Variants in MCM2 observed in about 807,000 individuals in gnomAD.
MCM2 encodes the protein DNA replication licensing factor MCM2.
MCM2 carries 49 observed loss-of-function variants against 86.4 expected under a neutral mutation model. That is an observed-to-expected ratio of 0.57 (90% CI 0.45 to 0.72). MCM2 has a LOEUF of 0.72. MCM2 is among the 30% of genes least tolerant of loss of function. The pLI is 0.00. For missense variants in MCM2, 1,038 were observed against 1,259.9 expected, an observed-to-expected ratio of 0.82 and a Z score of 2.67; for synonymous variants, 475 against 484.6, an observed-to-expected ratio of 0.98 and a Z score of 0.26.
chr3:127,620,581 C>T, intron 13 of MCM2, 117 bp from the exon 14 acceptor site: 2 of 1,051,108 alleles, frequency 1.9e-6, no homozygotes, highest in Non-Finnish European at 2.8e-6. Context: ...TTCTGCATTT[C>T]TGCTGGGGCA....
chr3:127,617,751 C>G lies in MCM2; in HGVS notation c.1901-218C>G. ...GTCACCCACTGTGTTCTTGGTTTTT[C>G]CTCCTGGGGAAGCAGTTATGCTTTC... is the stretch of plus-strand genomic sequence containing the variant. On this transcript the variant is annotated intron_variant, in intron 11 of 15. Coordinates refer to ENST00000265056, the MANE Select transcript of MCM2 (RefSeq NM_004526.4). This position sits in a 1 kb window ranked among gnomAD's most constrained non-coding sequence, Gnocchi z 4.1. 1.7e-6 allele frequency: 1 copy of G among 591,138 alleles called. No homozygotes were observed. Among genetic ancestry groups the G allele is most frequent in the East Asian group, 2.8e-5 (1 of 35,258 alleles). The allele number at this position is 591,138 out of a possible 1,614,324, so 36.6% of individuals were successfully genotyped here.
chr3:127,621,963 TTGGG>T lies in MCM2; in HGVS notation c.*195_*198del. The T allele has an allele frequency of 1.8e-6, 1 of 550,588 alleles. No individual in the cohort carries two copies. Among genetic ancestry groups the T allele is most frequent in the East Asian group, 3.1e-5 (1 of 32,356 alleles). 34.1% of individuals were successfully genotyped at this position (550,588 alleles called of 1,614,324 possible). The stretch of plus-strand genomic sequence containing the variant: ...CAAGCCTGCTTTGTGCTTCTCACCT[TTGGG>T]TGGGATGCCTTGCCAGTGTGTCTTA... On this transcript the variant is annotated 3_prime_UTR_variant, in exon 16 of 16. Transcript: ENST00000265056.
chr3:127,616,099 T>C (rs1335114852), intron 9 of MCM2, 144 bp downstream of exon 9: 4 of 683,220 alleles, frequency 5.9e-6, no homozygotes, highest in Non-Finnish European at 7.5e-6. Context: ...GCGTGACTCA[T>C]TCTTCAAGGG....
In MCM2 at chr3:127,621,159, A is replaced by T. The variant is rs146246663; in HGVS notation, c.2535A>T (p.Thr845=). The T allele has an allele frequency of 1.2e-6, 2 of 1,614,214 alleles. No individual in the cohort carries two copies. Among genetic ancestry groups the T allele is most frequent in the South Asian group, 2.2e-5 (2 of 91,084 alleles). Residue 845 remains threonine, a synonymous_variant, in exon 15 of 16, where the codon ACA becomes ACT. Coordinates refer to ENST00000265056, the MANE Select transcript of MCM2 (RefSeq NM_004526.4). ...ILKQLVAEQV[T]YQRNRFGAQQ... is the part of the protein sequence containing the mutation. ...AGCAGTTAGTGGCAGAGCAGGTGACATATCAGCGCAACCGCTTTGGGGCCC... is the reference window on the plus strand; with the variant it reads ...AGCAGTTAGTGGCAGAGCAGGTGACTTATCAGCGCAACCGCTTTGGGGCCC...
At chr3:127,616,660 T>C (rs1196939708) in intron 9 of MCM2, among the ~76,000 whole-genome samples, 1 of 152,234 alleles carries the variant, frequency 6.6e-6, no homozygotes, top group Non-Finnish European at 1.5e-5. Context: ...CAAGGACATC[T>C]CGTGCAACCC....
intron 13 of MCM2, among the ~76,000 whole-genome samples, chr3:127,619,849 G>A (rs982289829): frequency 2.0e-5 from 3 of 151,998 alleles, no homozygotes; most frequent in Admixed American, 2.0e-4. Context: ...TGGGCCTGGT[G>A]GTTTGTGCCT....
chr3:127,608,607 C>T (rs1023122988), intron 7 of MCM2, 91 bp downstream of exon 7: 117 of 1,517,134 alleles, frequency 7.7e-5, no homozygotes, highest in Non-Finnish European at 9.8e-5. Flanking sequence ...TGTCTATGGT[C>T]GCAGGGGCAC....
chr3:127,615,184 G>A (rs1213578021), intron 8 of MCM2, among the ~76,000 whole-genome samples: 2 of 152,154 alleles, frequency 1.3e-5, no homozygotes, highest in East Asian at 3.9e-4. Context: ...GGCCAGTGCA[G>A]GGGGGTATGA....
chr3:127,621,691 C>G lies in MCM2; in HGVS notation c.2633C>G (p.Ser878Cys). ...KARQINIHNLSAFYDSELFRM... is the reference protein window; with the variant it reads ...KARQINIHNLCAFYDSELFRM... ...CGTCAGATCAACATCCACAACCTCTCTGCATTTTATGACAGTGAGCTCTTC... is the reference window on the plus strand; with the variant it reads ...CGTCAGATCAACATCCACAACCTCTGTGCATTTTATGACAGTGAGCTCTTC... Residue 878 changes from serine to cysteine, a missense_variant, in exon 16 of 16, where the codon TCT becomes TGT. Transcript: ENST00000265056. 1 of 1,614,046 alleles carries G rather than the reference C, an allele frequency of 6.2e-7. No homozygotes were observed. Among genetic ancestry groups the G allele is most frequent in the East Asian group, 2.2e-5 (1 of 44,884 alleles).
intron 7 of MCM2, 135 bp from the exon 8 acceptor site, chr3:127,608,697 G>A: frequency 8.3e-7 from 1 of 1,198,184 alleles, no homozygotes; most frequent in Admixed American, 1.9e-5. Flanking sequence ...GTGGGTTTAG[G>A]AGGGGTTTTA....
intron 15 of MCM2, 136 bp from the exon 16 acceptor site, chr3:127,621,527 T>G: frequency 1.6e-6 from 1 of 644,960 alleles, no homozygotes; most frequent in South Asian, 1.9e-5. Context: ...AGCCCCTTAA[T>G]CGGCCTCTCC....
intron 8 of MCM2, chr3:127,610,881 GGA>G: frequency 2.2e-6 from 1 of 456,708 alleles, no homozygotes; most frequent in South Asian, 1.5e-5. Context: ...GGTTCCCATA[GGA>G]GAGGTGGGTG....
At position 127,621,810 on chromosome 3, in the gene MCM2, G is replaced by C; in HGVS notation, c.*37G>C. 6.5e-7 allele frequency: 1 copy of C among 1,532,500 alleles called. No homozygotes were observed. The highest frequency in any genetic ancestry group is 9.0e-7 in the Non-Finnish European group (1 of 1,109,090). The allele number at this position is 1,532,500 out of a possible 1,614,324, so 94.9% of individuals were successfully genotyped here. A position where few individuals can be genotyped will look rare whatever the true frequency, so the allele number is the denominator to read the frequency against. ...ATCCATAAGGATTCCTTGGGATTCT[G>C]GTTTGGGGTGGTCAGTGCCCTCTGT... is the stretch of plus-strand genomic sequence containing the variant. On this transcript the variant is annotated 3_prime_UTR_variant, in exon 16 of 16. Coordinates refer to ENST00000265056, the MANE Select transcript of MCM2 (RefSeq NM_004526.4).
At chr3:127,619,004 C>T (rs2074454262) in intron 12 of MCM2, 23 bp from the exon 13 acceptor site, 1 of 1,558,574 alleles carries the variant, frequency 6.4e-7, no homozygotes, top group South Asian at 1.2e-5. Context: ...CAATCAGACC[C>T]ACCCTCTCAT....
chr3:127,603,652 AT>A (rs1022429917), intron 2 of MCM2, among the ~76,000 whole-genome samples: 15 of 142,484 alleles, frequency 1.1e-4, no homozygotes, highest in Admixed American at 4.2e-4. Flanking sequence ...GGCCTGGGTT[AT>A]TTTTTTTTTC....
chr3:127,608,477 C>T lies in MCM2; in HGVS notation c.1197C>T (p.Leu399=), dbSNP rs3087449. ...RLPRSKDAIL[L]ADLVDSCKPG... Reference sequence around the variant, plus strand: ...CCCGCTCCAAGGACGCCATTCTCCTCGCAGATCTGGTGGACAGCTGCAAGC... The same window carrying T: ...CCCGCTCCAAGGACGCCATTCTCCTTGCAGATCTGGTGGACAGCTGCAAGC... The change falls in exon 7 of 16, where the codon CTC becomes CTT. Residue 399 remains leucine, a synonymous_variant. Transcript: ENST00000265056. The T allele has an allele frequency of 2.1e-4, 345 of 1,614,204 alleles. 1 individual carries two copies. The African/African-American group carries it at 2.7e-3, about 13-fold the overall frequency.
At chr3:127,607,401 T>C (rs1157967176) in intron 6 of MCM2, among the ~76,000 whole-genome samples, 3 of 152,254 alleles carry the variant, frequency 2.0e-5, no homozygotes, top group Non-Finnish European at 4.4e-5. Flanking sequence ...CTTGACTGCC[T>C]TGCTGCTGTG....
chr3:127,614,247 A>G (rs1193511717), intron 8 of MCM2, among the ~76,000 whole-genome samples: 1 of 152,152 alleles, frequency 6.6e-6, no homozygotes, highest in African/African-American at 2.4e-5. Flanking sequence ...CAGTATGTAT[A>G]TGAAAAAGAA....
At chr3:127,605,764 T>C (rs2074342527) in intron 4 of MCM2, among the ~76,000 whole-genome samples, 1 of 152,180 alleles carries the variant, frequency 6.6e-6, no homozygotes, top group African/African-American at 2.4e-5. Context: ...AAAAGGGACA[T>C]GTAGATCTTG....
Sources: allele counts gnomAD v4.1 joint callset (sites outside exome capture counted in the v4.1 genomes callset), GRCh38; gene constraint gnomAD v4.1.1; non-coding constraint Gnocchi (gnomAD v3.1); transcripts MANE v1.5; gene names NCBI Gene and HGNC (gene_info 2026-07-23, HGNC 2026-07-21).